The following KRT6A variants were observed in gnomAD, a reference collection of about 807,000 sequenced individuals.
KRT6A encodes the protein keratin, type II cytoskeletal 6A.
KRT6A carries 28 observed loss-of-function variants against 48.6 expected under a neutral mutation model. The ratio of observed to expected loss-of-function variants is 0.58; its 90% CI spans 0.43 to 0.79. The LOEUF (loss-of-function observed/expected upper bound fraction) is 0.79. Ranked by LOEUF, KRT6A falls within the 30% of genes least tolerant of loss-of-function variation. KRT6A has a pLI of 0.00. For missense variants in KRT6A, 687 were observed against 724.3 expected (o/e 0.95, Z 0.59); for synonymous variants, 301 against 294.2 (o/e 1.02, Z -0.24).
intron 7 of KRT6A, 99 bp downstream of exon 7, chr12:52,488,229 G>C: frequency 6.2e-7 from 1 of 1,613,152 alleles, no homozygotes; most frequent in Non-Finnish European, 8.5e-7. Context: ...CTCAGGAAGA[G>C]CAATTATGGC....
At chr12:52,490,272 A>C in intron 5 of KRT6A, 1 of 1,075,214 alleles carries the variant, frequency 9.3e-7, no homozygotes, top group Non-Finnish European at 1.4e-6. Flanking sequence ...CTGCCTGCCT[A>C]GTTTCTTTAG....
In KRT6A at chr12:52,487,626, C is replaced by G; in HGVS notation, c.*94G>C. ...GCTCTACCTGGGACAGCAGGGGAGA[C>G]TGGAGGCCAGGAGAGGAAAGGCAAC... is the stretch of plus-strand genomic sequence containing the variant. On this transcript the variant is annotated 3_prime_UTR_variant, in exon 9 of 9. Transcript: ENST00000330722. 2 of 1,514,722 alleles carry G rather than the reference C, an allele frequency of 1.3e-6. No homozygotes were observed. Among genetic ancestry groups the G allele is most frequent in the Non-Finnish European group, 1.8e-6 (2 of 1,096,868 alleles). 93.8% of individuals were successfully genotyped at this position (1,514,722 alleles called of 1,614,324 possible). A position where few individuals can be genotyped will look rare whatever the true frequency, so the allele number is the denominator to read the frequency against.
rs544561120 is a variant in KRT6A at position 52,490,888 on chromosome 12, C to T, written c.882G>A (p.Glu294=). 2.5e-6 allele frequency: 4 copies of T among 1,614,054 alleles called. No individual in the cohort carries two copies. In the East Asian group the frequency reaches 8.9e-5, roughly 36 times the overall value. Residue 294 remains glutamate, a synonymous_variant, in exon 4 of 9, where the codon GAG becomes GAA. Transcript: ENST00000330722. ...LQAKADTLTD[E]INFLRALYDA... is the part of the protein sequence containing the mutation. ...CATACAAGGCTCTCAGGAAGTTGATCTCGTCTGTGAGAGTGTCTGCCTTGG... is the reference window on the plus strand; with the variant it reads ...CATACAAGGCTCTCAGGAAGTTGATTTCGTCTGTGAGAGTGTCTGCCTTGG...
In KRT6A at chr12:52,491,547, C is replaced by A. The variant is rs1007178256; in HGVS notation, c.730G>T (p.Asp244Tyr). ...RLDSELRGMQDLVEDFKNKYE... is the reference protein window; with the variant it reads ...RLDSELRGMQYLVEDFKNKYE... ...TTGTTCTTGAAGTCCTCCACCAGGT[C>A]CTGCATGCCTCTGAGCTCTGAGTCC... Residue 244 changes from aspartate (D) to tyrosine (Y), a missense_variant, in exon 2 of 9, where the codon GAC becomes TAC. This residue lies in a region of KRT6A where 566 missense variants were observed against 565.3 expected (regional missense o/e 1.00). Transcript: ENST00000330722. 3 of 1,614,086 alleles carry A rather than the reference C, an allele frequency of 1.9e-6. No homozygotes were observed. In the African/African-American group the frequency reaches 4.0e-5, roughly 22 times the overall value.
At chr12:52,490,540 T>A (rs761615075) in intron 5 of KRT6A, 29 bp downstream of exon 5, 3 of 1,614,172 alleles carry the variant, frequency 1.9e-6, no homozygotes, top group Non-Finnish European at 2.5e-6. Flanking sequence ...GCACAGGGAT[T>A]CCTCAGCGGC....
At position 52,492,486 on chromosome 12, in the gene KRT6A, G is replaced by A. The variant is rs548704970; in HGVS notation, c.540+163C>T. On this transcript the variant is annotated intron_variant, in intron 1 of 8. Coordinates refer to ENST00000330722, the MANE Select transcript of KRT6A (RefSeq NM_005554.4). ...TCCAGAGATCCCATGGGGGAGTGAT[G>A]CCCATCCCTGCTGCTTGCTGGGCAC... is the stretch of plus-strand genomic sequence containing the variant. Among the ~76,000 whole-genome samples, 7 of 152,250 alleles carry A rather than the reference G, an allele frequency of 4.6e-5. No homozygotes were observed. The East Asian group carries it at 1.4e-3, about 30-fold the overall frequency.
Position 52,488,355 on chromosome 12 carries a change from C to T in KRT6A, c.1397G>A (p.Arg466His), listed in dbSNP as rs376556886. The change falls in exon 7 of 9, where the codon CGC becomes CAC. Residue 466 changes from arginine to histidine, a missense_variant. Physicochemically the swap from Arg to His is conservative, Grantham distance 29. This residue lies in a region of KRT6A where 566 missense variants were observed against 565.3 expected (regional missense o/e 1.00). Coordinates refer to ENST00000330722, the MANE Select transcript of KRT6A (RefSeq NM_005554.4). The part of the protein sequence containing the change: ...LALDVEIATY[R>H]KLLEGEECRL... ...GCACTCCTCACCCTCCAGCAGCTTGCGGTAGGTGGCGATCTCCACGTCCAG... is the reference window on the plus strand; with the variant it reads ...GCACTCCTCACCCTCCAGCAGCTTGTGGTAGGTGGCGATCTCCACGTCCAG... 9.9e-6 allele frequency: 16 copies of T among 1,614,104 alleles called. No individual in the cohort carries two copies. The highest frequency in any genetic ancestry group is 7.7e-5 in the South Asian group (7 of 91,074).
chr12:52,492,843 C>T lies in KRT6A; in HGVS notation c.346G>A (p.Ala116Thr), dbSNP rs2120411521. 1 of 1,611,280 alleles carries T rather than the reference C, an allele frequency of 6.2e-7. No homozygotes were observed. The highest frequency in any genetic ancestry group is 2.2e-5 in the East Asian group (1 of 44,828). The change falls in exon 1 of 9, where the codon GCC becomes ACC. Residue 116 changes from alanine to threonine, a missense_variant. Ala to Thr is a moderately conservative substitution (Grantham distance 58). Transcript: ENST00000330722. ...CCCCCAAAGCCACCAGCAAGGCCGG[C>T]TCCACCACCCAGACCAAAGCCAATG... Reference protein sequence around the residue: ...AGIGFGLGGGAGLAGGFGGPG... With the variant: ...AGIGFGLGGGTGLAGGFGGPG...
rs781079162 is a variant in KRT6A, at chr12:52,491,169, A to G, written c.759T>C (p.Tyr253=). 23 of 1,613,968 alleles carry G rather than the reference A, an allele frequency of 1.4e-5. No individual in the cohort carries two copies. Among genetic ancestry groups the G allele is most frequent in the African/African-American group, 5.3e-5 (4 of 75,058 alleles). Residue 253 remains tyrosine, a synonymous_variant, in exon 3 of 9, where the codon TAT becomes TAC. Transcript: ENST00000330722. ...CTGTGCGCTTGTTGATTTCATCCTC[A>G]TATCTACAGGAAGAAAGGCATGGGA... ...QDLVEDFKNK[Y]EDEINKRTAA...
chr12:52,491,460 C>T, intron 2 of KRT6A, 62 bp downstream of exon 2: 8 of 1,590,948 alleles, frequency 5.0e-6, no homozygotes, highest in Non-Finnish European at 6.9e-6. Context: ...TGGCCCTGGT[C>T]ACCCAATAGT....
At chr12:52,489,644 G>A (rs577792586) in intron 6 of KRT6A, among the ~76,000 whole-genome samples, 1 of 152,090 alleles carries the variant, frequency 6.6e-6, no homozygotes. Flanking sequence ...TTTATGTGTG[G>A]CCCAAGATAG....
Position 52,489,469 on chromosome 12 carries a change from C to T in KRT6A, c.1203+474G>A, listed in dbSNP as rs571381185. Among the ~76,000 whole-genome samples the T allele has an allele frequency of 3.1e-4, 47 of 152,074 alleles. 2 individuals are homozygous for T. The highest frequency in any genetic ancestry group is 2.1e-3 in the Admixed American group (32 of 15,264). On this transcript the variant is annotated intron_variant, in intron 6 of 8. Transcript: ENST00000330722. ...AATTTTTATGTATTTTTAATAGAGG[C>T]GGCGTTTCACCATGTTGGTCAGGCT...
chr12:52,489,917 C>T (rs371191801), intron 6 of KRT6A, 26 bp downstream of exon 6: 27 of 1,613,812 alleles, frequency 1.7e-5, no homozygotes, highest in Non-Finnish European at 2.2e-5. Flanking sequence ...GGAAATGCTT[C>T]TCTCCTCCAT....
rs1390080944 is a variant in KRT6A at position 52,492,838 on chromosome 12, G to C, written c.351C>G (p.Gly117=). 6.2e-7 allele frequency: 1 copy of C among 1,611,368 alleles called. No individual in the cohort carries two copies. Among genetic ancestry groups the C allele is most frequent in the African/African-American group, 1.3e-5 (1 of 74,618 alleles). ...GIGFGLGGGA[G]LAGGFGGPGF... ...CAGGGCCCCCAAAGCCACCAGCAAG[G>C]CCGGCTCCACCACCCAGACCAAAGC... The change falls in exon 1 of 9, where the codon GGC becomes GGG. Residue 117 remains glycine, a synonymous_variant. Coordinates refer to ENST00000330722, the MANE Select transcript of KRT6A (RefSeq NM_005554.4).
rs1263628326 is a variant in KRT6A at position 52,488,482 on chromosome 12, T to A, written c.1270A>T (p.Lys424Ter). The A allele has an allele frequency of 6.2e-7, 1 of 1,614,170 alleles. No homozygotes were observed. Among genetic ancestry groups the A allele is most frequent in the South Asian group, 1.1e-5 (1 of 91,074 alleles). The change falls in exon 7 of 9, where the codon AAG becomes TAG. Residue 424 changes from lysine to a stop codon, truncating the protein, a stop_gained. Transcript: ENST00000330722. LOFTEE classifies it high-confidence loss of function. ...TCCTCCAGCCCTTCCAGCTTGTTCT[T>A]GGCATCCTTGAGGGCCATCTCCCCA... is the stretch of plus-strand genomic sequence containing the variant. Reference protein sequence around the residue: ...QRGEMALKDAKNKLEGLEDAL... With the variant: ...QRGEMALKDA
rs150913083 is a variant in KRT6A, at chr12:52,488,072, T to G, written c.1456A>C (p.Ile486Leu). The G allele has an allele frequency of 1.2e-6, 2 of 1,613,958 alleles. No homozygotes were observed. Among genetic ancestry groups the G allele is most frequent in the Admixed American group, 3.3e-5 (2 of 60,012 alleles). Reference protein sequence around the residue: ...LNGEGVGQVNISVVQSTVSSG... With the variant: ...LNGEGVGQVNLSVVQSTVSSG... ...GAAGGCAAGCAAAGGTACTTACAGA[T>G]GTTGACTTGTCCAACGCCTTCGCCA... Residue 486 changes from isoleucine (I) to leucine (L), a missense_variant, in exon 8 of 9, where the codon ATC (isoleucine) becomes CTC (leucine). Physicochemically the swap from Ile to Leu is conservative, Grantham distance 5. This residue lies in a region of KRT6A where 566 missense variants were observed against 565.3 expected (regional missense o/e 1.00). Transcript: ENST00000330722.
At chr12:52,490,507 C>A in intron 5 of KRT6A, 62 bp downstream of exon 5, 2 of 1,613,640 alleles carry the variant, frequency 1.2e-6, no homozygotes, top group Non-Finnish European at 1.7e-6. Context: ...GTAAAGTCTG[C>A]AGTCCTCTGG....
At chr12:52,489,473 G>A (rs111759062) in intron 6 of KRT6A, among the ~76,000 whole-genome samples, 1,671 of 152,122 alleles carry the variant, frequency 0.011, 22 homozygotes, top group African/African-American at 0.038. Flanking sequence ...TAGAGGCGGC[G>A]TTTCACCATG....
At chr12:52,491,078 A>G in intron 3 of KRT6A, 34 bp downstream of exon 3, 1 of 1,613,936 alleles carries the variant, frequency 6.2e-7, no homozygotes, top group Non-Finnish European at 8.5e-7. Context: ...CTCTCCTTCT[A>G]AATGAATTTG....
Sources: gnomAD v4.1 joint callset for allele counts (sites outside exome capture counted in the v4.1 genomes callset) on GRCh38, gnomAD v4.1.1 for gene constraint, gnomAD v4.1.1 regional missense constraint, MANE v1.5 for transcripts, NCBI Gene and HGNC (gene_info 2026-07-23, HGNC 2026-07-21) for gene names.